CFAP95: variants seen among roughly 807,000 people sequenced by gnomAD.
The protein encoded by CFAP95 is cilia- and flagella-associated protein 95.
At chr9:69,895,371 G>C in the CFAP95 span, among the ~76,000 whole-genome samples, 1,532 of 102,432 alleles carry the variant, frequency 0.015, 23 homozygotes, top group African/African-American at 0.059. Flanking sequence ...CTCTCTCTCT[G>C]TGTGTGTGTG....
chr9:69,839,871 T>G, the CFAP95 span, among the ~76,000 whole-genome samples: 11 of 150,576 alleles, frequency 7.3e-5, no homozygotes, highest in Admixed American at 6.6e-4. Context: ...AGGTCAGGAG[T>G]TCGAGACCAG....
At chr9:69,884,845 T>C in the CFAP95 span, among the ~76,000 whole-genome samples, 2 of 135,016 alleles carry the variant, frequency 1.5e-5, no homozygotes, top group African/African-American at 5.1e-5. Context: ...CTGACTTCTA[T>C]TAGATTTGTC....
chr9:69,854,492 T>C, the CFAP95 span, among the ~76,000 whole-genome samples: 2 of 152,256 alleles, frequency 1.3e-5, no homozygotes, highest in Non-Finnish European at 2.9e-5. Flanking sequence ...TCTTAAATTG[T>C]GGAGCTTCTA....
the CFAP95 span, among the ~76,000 whole-genome samples, chr9:69,854,097 AT>A: frequency 2.0e-5 from 3 of 152,200 alleles, no homozygotes; most frequent in Non-Finnish European, 4.4e-5. Context: ...GGAATGTCTA[AT>A]ATTGGGAGAT....
chr9:69,872,117 A>T, the CFAP95 span, among the ~76,000 whole-genome samples: 1 of 152,184 alleles, frequency 6.6e-6, no homozygotes, highest in African/African-American at 2.4e-5. Flanking sequence ...CTGGGCTTTA[A>T]ACTCCTATCT....
At chr9:69,839,522 G>A in the CFAP95 span, among the ~76,000 whole-genome samples, 1 of 152,116 alleles carries the variant, frequency 6.6e-6, no homozygotes, top group South Asian at 2.1e-4. Context: ...TGCTTCCCGG[G>A]TTCAAGCGAT....
At chr9:69,866,339 C>G in the CFAP95 span, among the ~76,000 whole-genome samples, 1 of 152,118 alleles carries the variant, frequency 6.6e-6, no homozygotes, top group East Asian at 1.9e-4. Context: ...GCCAGTGGTG[C>G]AATTCACTTA....
the CFAP95 span, among the ~76,000 whole-genome samples, chr9:69,882,481 A>G: frequency 1.3e-5 from 2 of 152,038 alleles, no homozygotes; most frequent in African/African-American, 4.8e-5. Context: ...TTCCAGTACT[A>G]TGTTGAATAA....
chr9:69,857,400 G>T, the CFAP95 span, among the ~76,000 whole-genome samples: 3 of 152,170 alleles, frequency 2.0e-5, no homozygotes, highest in Non-Finnish European at 4.4e-5. Context: ...TCAAAATAAT[G>T]ACAAAAATGC....
the CFAP95 span, among the ~76,000 whole-genome samples, chr9:69,903,097 T>C: frequency 6.6e-6 from 1 of 152,222 alleles, no homozygotes; most frequent in Non-Finnish European, 1.5e-5. Context: ...AAAGGATTGA[T>C]ATAGTAATGC....
At chr9:69,897,334 T>G in the CFAP95 span, among the ~76,000 whole-genome samples, 1 of 152,204 alleles carries the variant, frequency 6.6e-6, no homozygotes, top group African/African-American at 2.4e-5. Flanking sequence ...GGCTAATAGC[T>G]ATCTTTAATG....
chr9:69,884,580 G>T, the CFAP95 span: 1 of 152,106 alleles, frequency 6.6e-6, no homozygotes, highest in Middle Eastern at 3.4e-3. Flanking sequence ...CAGAACTCCT[G>T]GGCTCAATTG....
the CFAP95 span, among the ~76,000 whole-genome samples, chr9:69,828,489 G>A: frequency 6.6e-6 from 1 of 152,150 alleles, no homozygotes; most frequent in African/African-American, 2.4e-5. Context: ...AGACCAGCCT[G>A]GGCAACATGG....
the CFAP95 span, among the ~76,000 whole-genome samples, chr9:69,821,741 C>CT: frequency 1.4e-3 from 208 of 145,928 alleles, no homozygotes; most frequent in Middle Eastern, 3.5e-3. Context: ...GCTCTGTTTA[C>CT]TTTTTTTTTT....
the CFAP95 span, among the ~76,000 whole-genome samples, chr9:69,864,994 G>A: frequency 2.0e-5 from 3 of 152,102 alleles, no homozygotes; most frequent in African/African-American, 7.2e-5. Flanking sequence ...ATCTCATCTT[G>A]AATTATAATC....
At chr9:69,857,130 A>G in the CFAP95 span, among the ~76,000 whole-genome samples, 1 of 152,222 alleles carries the variant, frequency 6.6e-6, no homozygotes, top group Non-Finnish European at 1.5e-5. Flanking sequence ...CTGACATGCA[A>G]TAAGAATTAG....
the CFAP95 span, among the ~76,000 whole-genome samples, chr9:69,905,538 G>T: frequency 6.6e-6 from 1 of 152,114 alleles, no homozygotes; most frequent in Admixed American, 6.5e-5. Context: ...GTATGACTTG[G>T]TAACAATTAT....
chr9:69,827,968 G>T, the CFAP95 span, among the ~76,000 whole-genome samples: 2 of 152,160 alleles, frequency 1.3e-5, no homozygotes, highest in African/African-American at 4.8e-5. Flanking sequence ...TACTCTCATT[G>T]GCCTGAGACT....
the CFAP95 span, among the ~76,000 whole-genome samples, chr9:69,887,398 A>G: frequency 2.0e-5 from 3 of 152,366 alleles, no homozygotes; most frequent in South Asian, 6.2e-4. Context: ...CATGAGATAG[A>G]AATAAGATAT....
Sources: gnomAD v4.1 joint callset for allele counts (sites outside exome capture counted in the v4.1 genomes callset) on GRCh38, gnomAD v4.1.1 for gene constraint, MANE v1.5 for transcripts, NCBI Gene and HGNC (gene_info 2026-07-23, HGNC 2026-07-21) for gene names.